The following FBXO34 variants were observed in gnomAD, a reference collection of about 807,000 sequenced individuals.
FBXO34 encodes F-box only protein 34.
A neutral mutation model predicts 24.5 loss-of-function variants in FBXO34; 12 were observed. The observed-to-expected ratio is 0.49, with a 90% CI of 0.31 to 0.79. The LOEUF (loss-of-function observed/expected upper bound fraction) is 0.79. Among genes scored for constraint, FBXO34 ranks in the 30% least tolerant of loss-of-function variants. The pLI, the probability that FBXO34 is intolerant of heterozygous loss-of-function variation, is 0.04. For missense variants in FBXO34, 823 were observed against 857.7 expected (o/e 0.96, Z 0.51); for synonymous variants, 320 against 311.9 (o/e 1.03, Z -0.27).
intron 1 of FBXO34, among the ~76,000 whole-genome samples, chr14:55,343,983 A>G (rs1207819418): frequency 6.6e-6 from 1 of 152,176 alleles, no homozygotes; most frequent in African/African-American, 2.4e-5. Context: ...CTGAACTTAG[A>G]GTCTAAAAGG....
the FBXO34 span, chr14:55,380,719 A>G: frequency 6.8e-7 from 1 of 1,474,822 alleles, no homozygotes. Flanking sequence ...CACCATGTAC[A>G]AAACCTTAAT....
At chr14:55,344,751 G>A (rs1884103989) in intron 1 of FBXO34, among the ~76,000 whole-genome samples, 1 of 151,688 alleles carries the variant, frequency 6.6e-6, no homozygotes, top group Non-Finnish European at 1.5e-5. Context: ...TCCCCAGTGT[G>A]TGATGTTCCC....
chr14:55,343,378 G>A (rs917351859), intron 1 of FBXO34, among the ~76,000 whole-genome samples: 5 of 151,890 alleles, frequency 3.3e-5, no homozygotes, highest in Non-Finnish European at 7.4e-5. Context: ...AGCCTCCTGA[G>A]TAGCTGGGAT....
At chr14:55,273,169 G>T (rs1881214650) in intron 1 of FBXO34, among the ~76,000 whole-genome samples, 1 of 151,664 alleles carries the variant, frequency 6.6e-6, no homozygotes, top group Non-Finnish European at 1.5e-5. Flanking sequence ...ACTTGTAATG[G>T]TACGGTTTTT....
chr14:55,276,576 C>T (rs944823880), intron 1 of FBXO34, among the ~76,000 whole-genome samples: 32 of 152,170 alleles, frequency 2.1e-4, no homozygotes, highest in South Asian at 1.2e-3. Context: ...ACGGCTAACG[C>T]TCAAAATTCT....
At chr14:55,433,639 C>T in the FBXO34 span, 4 of 1,613,990 alleles carry the variant, frequency 2.5e-6, no homozygotes, top group Non-Finnish European at 2.5e-6. Context: ...CCTTTTGGCT[C>T]CCGTGCAGAC....
chr14:55,406,478 T>C, the FBXO34 span, among the ~76,000 whole-genome samples: 1 of 152,228 alleles, frequency 6.6e-6, no homozygotes, highest in Non-Finnish European at 1.5e-5. Flanking sequence ...ATTATGAAGA[T>C]AGAATATCTC....
chr14:55,323,216 A>AAAAT (rs1883214767), intron 1 of FBXO34, among the ~76,000 whole-genome samples: 1 of 36,422 alleles, frequency 2.7e-5, no homozygotes, highest in Non-Finnish European at 3.7e-5. Context: ...AAAAAAAAAA[A>AAAAT]AAATATATAT....
chr14:55,290,275 C>T (rs1401618010), intron 1 of FBXO34, among the ~76,000 whole-genome samples: 1 of 151,972 alleles, frequency 6.6e-6, no homozygotes, highest in Non-Finnish European at 1.5e-5. Flanking sequence ...GTGCCTTAAT[C>T]CCAGCTACTT....
chr14:55,284,513 C>CAA lies in FBXO34; in HGVS notation c.-11+12994_-11+12995dup, dbSNP rs777112072. Among the ~76,000 whole-genome samples the CAA allele has an allele frequency of 7.7e-3, 648 of 84,036 alleles. 9 individuals are homozygous for CAA. Among genetic ancestry groups the CAA allele is most frequent in the African/African-American group, 0.022 (489 of 22,642 alleles). 55.1% of individuals were successfully genotyped at this position (84,036 alleles called of 152,430 possible). ...GGCAACAAGAGTGAACCTCTGTCTC[C>CAA]AAAAAAAAAAAAAAAAAAAGTGAAT... On this transcript the variant is annotated intron_variant, in intron 1 of 1. Coordinates refer to ENST00000313833, the MANE Select transcript of FBXO34 (RefSeq NM_017943.4).
chr14:55,358,828 A>G (rs1047115446), intron 3 of FBXO34, among the ~76,000 whole-genome samples: 2 of 152,068 alleles, frequency 1.3e-5, no homozygotes, highest in Admixed American at 6.5e-5. Flanking sequence ...TATTAAATCA[A>G]CCACTGGGGG....
the FBXO34 span, among the ~76,000 whole-genome samples, chr14:55,432,313 C>G: frequency 3.3e-5 from 5 of 150,574 alleles, no homozygotes; most frequent in East Asian, 9.7e-4. Context: ...CTTAAGAGGC[C>G]GAGCTGGAAG....
chr14:55,349,382 A>T (rs1293390046), intron 1 of FBXO34, among the ~76,000 whole-genome samples: 2 of 152,116 alleles, frequency 1.3e-5, no homozygotes, highest in Non-Finnish European at 2.9e-5. Context: ...ACAAGGCACC[A>T]TCTTTCTGAA....
downstream of FBXO34, among the ~76,000 whole-genome samples, chr14:55,358,601 T>C (rs543612403): frequency 6.8e-6 from 1 of 147,866 alleles, no homozygotes; most frequent in Non-Finnish European, 1.5e-5. Context: ...GAACAGTGCC[T>C]GCCCCCTTGA....
At chr14:55,422,590 A>G in the FBXO34 span, among the ~76,000 whole-genome samples, 23 of 152,254 alleles carry the variant, frequency 1.5e-4, 1 homozygote, top group African/African-American at 5.3e-4. Flanking sequence ...AGTGGCTCAC[A>G]CCTGTAGTCC....
At chr14:55,436,753 T>G in the FBXO34 span, 21 of 1,614,070 alleles carry the variant, frequency 1.3e-5, 1 homozygote, top group South Asian at 2.2e-4. Flanking sequence ...AACGTCCTGT[T>G]CGCTGGGTGA....
intron 1 of FBXO34, among the ~76,000 whole-genome samples, chr14:55,347,279 A>G (rs1405112856): frequency 6.6e-6 from 1 of 152,170 alleles, no homozygotes; most frequent in Non-Finnish European, 1.5e-5. Flanking sequence ...GGGGTGGGAA[A>G]GTGCCACCAT....
At chr14:55,416,327 C>T in the FBXO34 span, among the ~76,000 whole-genome samples, 32 of 152,190 alleles carry the variant, frequency 2.1e-4, 2 homozygotes, top group South Asian at 6.0e-3. Flanking sequence ...CATGGTGGCT[C>T]ACACCTGTAA....
At chr14:55,398,278 T>G in the FBXO34 span, among the ~76,000 whole-genome samples, 2 of 152,268 alleles carry the variant, frequency 1.3e-5, no homozygotes, top group East Asian at 3.9e-4. Context: ...TTGCCAGTTT[T>G]CTATCTTTAT....
Sources: gnomAD v4.1 joint callset for allele counts (sites outside exome capture counted in the v4.1 genomes callset) on GRCh38, gnomAD v4.1.1 for gene constraint, MANE v1.5 for transcripts, NCBI Gene and HGNC (gene_info 2026-07-23, HGNC 2026-07-21) for gene names.